The following LPA variants were observed in gnomAD, a reference collection of about 807,000 sequenced individuals.
The protein encoded by LPA is apolipoprotein(a).
In LPA, 199 loss-of-function variants were observed where a neutral mutation model predicts 197.9. That is an observed-to-expected ratio of 1.01 (90% CI 0.90 to 1.13). The LOEUF (loss-of-function observed/expected upper bound fraction) is 1.13, where lower values mean the gene tolerates loss of function less well. Ranked by LOEUF, LPA falls within the 50% of genes most tolerant of loss-of-function variation. The pLI, the probability that LPA is intolerant of heterozygous loss-of-function variation, is 0.00. For synonymous variants in LPA, 715 were observed against 639.5 expected (o/e 1.12, Z -1.78); for missense variants, 1,853 against 1,785.8 (o/e 1.04, Z -0.68).
intron 29 of LPA, 62 bp from the exon 30 acceptor site, chr6:160,556,246 A>G: frequency 6.6e-7 from 1 of 1,515,344 alleles, no homozygotes; most frequent in South Asian, 1.1e-5. Context: ...GAAGCAATTT[A>G]TGACACAAAC....
intron 16 of LPA, among the ~76,000 whole-genome samples, chr6:160,607,248 G>C (rs149625786): frequency 4.3e-4 from 65 of 152,116 alleles, no homozygotes; most frequent in African/African-American, 1.4e-3. Flanking sequence ...ATTACTTTCT[G>C]TCATTCCCAT....
rs545712498 is a variant in LPA at position 160,578,508 on chromosome 6, C to A, written c.4471+15G>T. 7 of 1,613,708 alleles carry A rather than the reference C, an allele frequency of 4.3e-6. No individual in the cohort carries two copies. The South Asian group carries it at 4.4e-5, about 10-fold the overall frequency. On this transcript the variant is annotated intron_variant, in intron 27 of 38. Coordinates refer to ENST00000316300, the MANE Select transcript of LPA (RefSeq NM_005577.4). ...TTCATCCCAGTATATAGATGTCTAA[C>A]CACAAATTTCTTACCTTGTTCAGAA... is the stretch of plus-strand genomic sequence containing the variant.
chr6:160,597,964 T>A (rs1398432229), intron 20 of LPA, among the ~76,000 whole-genome samples: 6 of 152,234 alleles, frequency 3.9e-5, no homozygotes, highest in Admixed American at 6.5e-5. Flanking sequence ...GACACCATTT[T>A]AATGCTTGGA....
chr6:160,607,018 G>A (rs905092529), intron 16 of LPA, among the ~76,000 whole-genome samples: 9 of 151,870 alleles, frequency 5.9e-5, no homozygotes, highest in Admixed American at 3.3e-4. Flanking sequence ...TTGTGGAATC[G>A]TTTATTCACA....
intron 1 of LPA, among the ~76,000 whole-genome samples, chr6:160,663,528 T>A (rs1780259834): frequency 2.0e-5 from 3 of 152,190 alleles, no homozygotes; most frequent in African/African-American, 7.2e-5. Context: ...ACACACGGTG[T>A]GTATGTGTGT....
At position 160,585,046 on chromosome 6, in the gene LPA, G is replaced by T. The variant is rs370793685; in HGVS notation, c.4289C>A (p.Ala1430Asp). ...HRRIPLYYPN[A>D]GLTRNYCRNP... ...TTTATGGCTAACATGATAGACATAC[G>T]CATTTGGATAGTATAATGGGATCCT... The change falls in exon 26 of 39, where the codon GCT becomes GAT. Residue 1430 changes from alanine to aspartate, a missense_variant and splice_region_variant. By Grantham distance (126) the Ala-to-Asp change is moderately radical. Coordinates refer to ENST00000316300, the MANE Select transcript of LPA (RefSeq NM_005577.4). 6.2e-7 allele frequency: 1 copy of T among 1,613,498 alleles called. No individual in the cohort carries two copies. The highest frequency in any genetic ancestry group is 1.1e-5 in the South Asian group (1 of 91,066).
In LPA at chr6:160,594,259, C is replaced by T; in HGVS notation, c.3470-142G>A. 4.1e-6 allele frequency: 4 copies of T among 975,248 alleles called. 1 individual carries two copies. The South Asian group carries it at 4.7e-5, about 11-fold the overall frequency. 60.4% of individuals were successfully genotyped at this position (975,248 alleles called of 1,614,324 possible). ...TGTACTAGCAGGCAGATGGACATAC[C>T]AATAATAAAACCCAAAGATTCATAG... On this transcript the variant is annotated intron_variant, in intron 21 of 38. Transcript: ENST00000316300.
At chr6:160,610,528 G>T (rs766956887) in intron 16 of LPA, among the ~76,000 whole-genome samples, 6 of 152,112 alleles carry the variant, frequency 3.9e-5, no homozygotes, top group Non-Finnish European at 8.8e-5. Flanking sequence ...TCTTGTAGTT[G>T]CTGTTTCTCA....
At chr6:160,593,259 C>G (rs979867549) in intron 22 of LPA, among the ~76,000 whole-genome samples, 1 of 152,136 alleles carries the variant, frequency 6.6e-6, no homozygotes, top group African/African-American at 2.4e-5. Context: ...CCTTTGATTC[C>G]CTTTCTGAAT....
At position 160,611,292 on chromosome 6, in the gene LPA, T is replaced by C. The variant is rs541777949; in HGVS notation, c.2603+270A>G. Among the ~76,000 whole-genome samples the C allele has an allele frequency of 1.1e-3, 163 of 152,136 alleles. 2 individuals carry two copies. The highest frequency in any genetic ancestry group is 3.6e-3 in the African/African-American group (151 of 41,490). On this transcript the variant is annotated intron_variant, in intron 16 of 38. Coordinates refer to ENST00000316300, the MANE Select transcript of LPA (RefSeq NM_005577.4). ...TGTTGGGCAAGGGTAATCTAAGTGT[T>C]TGGTGGTTCGTCATTCTGACTTTCT...
At chr6:160,538,032 C>A in intron 36 of LPA, 71 bp from the exon 37 acceptor site, 1 of 1,348,082 alleles carries the variant, frequency 7.4e-7, no homozygotes. Context: ...ACCAGGCATC[C>A]CTGCCTTGAA....
intron 30 of LPA, among the ~76,000 whole-genome samples, chr6:160,553,369 G>A (rs1778196301): frequency 6.6e-6 from 1 of 152,130 alleles, no homozygotes; most frequent in Non-Finnish European, 1.5e-5. Context: ...ACAGAAGCCT[G>A]CCTTGGAAAC....
intron 28 of LPA, among the ~76,000 whole-genome samples, chr6:160,560,903 A>AT (rs552819710): frequency 0.012 from 1,744 of 150,848 alleles, 15 homozygotes; most frequent in Non-Finnish European, 0.017. Flanking sequence ...CTAGGGTTTG[A>AT]TTTTTTGTTT....
chr6:160,599,275 G>A (rs41271002), intron 20 of LPA, among the ~76,000 whole-genome samples: 1,563 of 152,164 alleles, frequency 0.01, 25 homozygotes, highest in African/African-American at 0.036. Context: ...CCCGGGAGGC[G>A]GAGCTTGCAG....
chr6:160,575,118 G>A (rs936534370), intron 28 of LPA, among the ~76,000 whole-genome samples: 2 of 151,994 alleles, frequency 1.3e-5, no homozygotes, highest in African/African-American at 4.8e-5. Flanking sequence ...AAGAAGATTT[G>A]CCAAAGTAAA....
At chr6:160,606,696 G>A (rs1779361976) in intron 16 of LPA, 38 bp from the exon 17 acceptor site, 2 of 1,611,284 alleles carry the variant, frequency 1.2e-6, no homozygotes, top group Non-Finnish European at 1.7e-6. Flanking sequence ...CAAGAGGTGG[G>A]ACAATATGCA....
rs1778882244 is a variant in LPA at position 160,585,087 on chromosome 6, T to C, written c.4248A>G (p.Thr1416=). The C allele has an allele frequency of 6.2e-7, 1 of 1,613,676 alleles. No homozygotes were observed. Among genetic ancestry groups the C allele is most frequent in the African/African-American group, 1.3e-5 (1 of 74,854 alleles). Reference sequence around the variant, plus strand: ...ATGGGATCCTCCGATGCCAATGTGGTGTCATAGACGACCAAGACTGACATG... The same window carrying C: ...ATGGGATCCTCCGATGCCAATGTGGCGTCATAGACGACCAAGACTGACATG... ...GRTCQSWSSM[T]PHWHRRIPLY... is the part of the protein sequence containing the mutation. Residue 1416 remains threonine, a synonymous_variant, in exon 26 of 39, where the codon ACA becomes ACG. Transcript: ENST00000316300.
In LPA at chr6:160,541,168, A is replaced by C. The variant is rs377470256; in HGVS notation, c.5533T>G (p.Phe1845Val). The C allele has an allele frequency of 1.9e-6, 3 of 1,613,650 alleles. No individual in the cohort carries two copies. In the African/African-American group the frequency reaches 4.0e-5, roughly 22 times the overall value. Reference sequence around the variant, plus strand: ...GGGGATATTAAGGTGCCTCCACAGAAGTGCTTTCCAAACCTAGAAAGAAAA... The same window carrying C: ...GGGGATATTAAGGTGCCTCCACAGACGTGCTTTCCAAACCTAGAAAGAAAA... ...VSLRTRFGKHFCGGTLISPEW... is the reference protein window; with the variant it reads ...VSLRTRFGKHVCGGTLISPEW... The change falls in exon 35 of 39, where the codon TTC becomes GTC. Residue 1845 changes from phenylalanine (F) to valine (V), a missense_variant. Physicochemically the swap from Phe to Val is conservative, Grantham distance 50 (BLOSUM62 -1). Transcript: ENST00000316300.
chr6:160,543,136 C>A (rs1778012718), intron 33 of LPA, among the ~76,000 whole-genome samples: 1 of 152,160 alleles, frequency 6.6e-6, no homozygotes, highest in Non-Finnish European at 1.5e-5. Flanking sequence ...GATAACTGTC[C>A]TATGTTGAAA....
Sources: gnomAD v4.1 joint callset for allele counts (sites outside exome capture counted in the v4.1 genomes callset) on GRCh38, gnomAD v4.1.1 for gene constraint, MANE v1.5 for transcripts, NCBI Gene and HGNC (gene_info 2026-07-23, HGNC 2026-07-21) for gene names.